Variants in DMD observed in about 807,000 individuals in gnomAD.
The protein encoded by DMD is dystrophin.
DMD carries 63 observed loss-of-function variants against 330.1 expected under a neutral mutation model. The ratio of observed to expected loss-of-function variants is 0.19; its 90% CI spans 0.16 to 0.24. DMD has a LOEUF of 0.24. Ranked by LOEUF, DMD falls within the 10% of genes least tolerant of loss-of-function variation. DMD has a pLI of 1.00. For synonymous variants in DMD, 1,223 were observed against 959.8 expected (o/e 1.27, Z -5.07); for missense variants, 3,344 against 2,684.1 (o/e 1.25, Z -5.43).
intron 2 of DMD, among the ~76,000 whole-genome samples, chrX:32,957,009 GA>G (rs1168540785): frequency 1.8e-5 from 2 of 111,498 alleles, no homozygotes. Context: ...CTGAATATTT[GA>G]AAACAGCTAA....
intron 7 of DMD, among the ~76,000 whole-genome samples, chrX:32,792,274 A>G (rs2075873354): frequency 1.8e-5 from 2 of 111,522 alleles, no homozygotes; most frequent in African/African-American, 3.3e-5. Flanking sequence ...AATGACAACT[A>G]CCATCATGAA....
chrX:31,511,399 G>C (rs1366931608), intron 55 of DMD, among the ~76,000 whole-genome samples: 2 of 104,206 alleles, frequency 1.9e-5, no homozygotes, highest in African/African-American at 7.0e-5. Flanking sequence ...AGTTACATAT[G>C]TATACATGTG....
chrX:32,263,885 T>G lies in DMD; in HGVS notation c.6290+23644A>C, dbSNP rs188403955. Among the ~76,000 whole-genome samples, 27 of 111,995 alleles carry G rather than the reference T, an allele frequency of 2.4e-4. No homozygotes were observed. The Admixed American group carries it at 2.6e-3, about 11-fold the overall frequency. ...TGATTTTAAAAAATATTTTATATAT[T>G]TGACACCCAAAGGAAAAAATGTAAA... On this transcript the variant is annotated intron_variant, in intron 43 of 78. Transcript: ENST00000357033.
chrX:31,953,230 T>C (rs1337008479), intron 45 of DMD, among the ~76,000 whole-genome samples: 2 of 112,577 alleles, frequency 1.8e-5, no homozygotes, highest in Admixed American at 9.4e-5. Context: ...CAGTTACTTG[T>C]TCCAATCAAG....
intron 42 of DMD, among the ~76,000 whole-genome samples, chrX:32,309,352 T>C (rs150112118): frequency 0.034 from 3,756 of 111,342 alleles, 158 homozygotes; most frequent in African/African-American, 0.12. Context: ...GCTCTGGGTA[T>C]ACTATAATAT....
intron 43 of DMD, among the ~76,000 whole-genome samples, chrX:32,257,456 T>A (rs1198564759): frequency 9.0e-6 from 1 of 111,625 alleles, no homozygotes; most frequent in Non-Finnish European, 1.9e-5. Flanking sequence ...CTGGTACTGG[T>A]AGCAAAACAG....
At chrX:33,245,026 C>T (rs975227603) in intron 1 of DMD, among the ~76,000 whole-genome samples, 3 of 111,554 alleles carry the variant, frequency 2.7e-5, no homozygotes, top group African/African-American at 9.7e-5. Flanking sequence ...TAAAAAAGCA[C>T]ATCATTTGTA....
In DMD at chrX:32,597,579, A is replaced by T. The variant is rs182852109; in HGVS notation, c.1483-1703T>A. On this transcript the variant is annotated intron_variant, in intron 12 of 78. Transcript: ENST00000357033. ...CAACTGAACCCTAGGATAAAACCAG[A>T]ATAATTCAAATACTGCCTTTCTAAC... Among the ~76,000 whole-genome samples, 13 of 112,081 alleles carry T rather than the reference A, an allele frequency of 1.2e-4. No homozygotes were observed. In the East Asian group the frequency reaches 3.7e-3, roughly 32 times the overall value.
At chrX:32,615,962 C>A (rs1463305314) in intron 11 of DMD, among the ~76,000 whole-genome samples, 1 of 111,029 alleles carries the variant, frequency 9.0e-6, no homozygotes, top group Non-Finnish European at 1.9e-5. Flanking sequence ...TGTCCTGTTT[C>A]CTTAATCTGC....
At chrX:31,717,012 T>C (rs1487188856) in intron 52 of DMD, among the ~76,000 whole-genome samples, 1 of 111,178 alleles carries the variant, frequency 9.0e-6, no homozygotes, top group Non-Finnish European at 1.9e-5. Context: ...ATCTGTGTGA[T>C]CTTATGCAAA....
intron 5 of DMD, among the ~76,000 whole-genome samples, chrX:32,822,801 C>T (rs2078384748): frequency 1.8e-5 from 2 of 110,774 alleles, no homozygotes; most frequent in Non-Finnish European, 3.8e-5. Context: ...ACCCTATGCT[C>T]AGGTGACTTA....
At chrX:31,830,998 A>T (rs2093016336) in intron 49 of DMD, among the ~76,000 whole-genome samples, 1 of 112,450 alleles carries the variant, frequency 8.9e-6, no homozygotes, top group Non-Finnish European at 1.9e-5. Flanking sequence ...TCTTGAAAGC[A>T]TCTAATCCAG....
chrX:32,468,200 A>C (rs2040250434), intron 23 of DMD, among the ~76,000 whole-genome samples: 1 of 111,009 alleles, frequency 9.0e-6, no homozygotes, highest in African/African-American at 3.3e-5. Flanking sequence ...TTAAAAGACA[A>C]CCAGACTAAA....
intron 50 of DMD, among the ~76,000 whole-genome samples, chrX:31,791,822 T>G (rs1007151996): frequency 1.8e-5 from 2 of 111,977 alleles, no homozygotes; most frequent in African/African-American, 6.5e-5. Context: ...CAAACTCCTA[T>G]GTTGATTTCA....
chrX:32,027,329 C>T (rs1289881747), intron 44 of DMD, among the ~76,000 whole-genome samples: 1 of 110,669 alleles, frequency 9.0e-6, no homozygotes, highest in African/African-American at 3.3e-5. Flanking sequence ...ACTCATTTTT[C>T]TCCCTTAAAC....
At chrX:32,874,700 A>G (rs1464062988) in intron 2 of DMD, among the ~76,000 whole-genome samples, 1 of 111,771 alleles carries the variant, frequency 8.9e-6, no homozygotes, top group Admixed American at 9.5e-5. Context: ...AACGAATATG[A>G]TGTTATAGGT....
At chrX:31,623,815 G>T in intron 55 of DMD, among the ~76,000 whole-genome samples, 1 of 110,916 alleles carries the variant, frequency 9.0e-6, no homozygotes, top group Admixed American at 9.6e-5. Context: ...AGTTTGTCTT[G>T]CTGAGAAAAA....
chrX:32,716,993 G>A (rs1012697653), intron 7 of DMD, among the ~76,000 whole-genome samples: 1 of 111,179 alleles, frequency 9.0e-6, no homozygotes, highest in Non-Finnish European at 1.9e-5. Context: ...TATGAGCAAA[G>A]AGATTATCTG....
chrX:32,500,833 A>C (rs2043980597), intron 19 of DMD, among the ~76,000 whole-genome samples: 1 of 111,844 alleles, frequency 8.9e-6, no homozygotes, highest in Admixed American at 9.5e-5. Context: ...AAGACCACTG[A>C]ACTTTTGAAT....
Sources: allele counts gnomAD v4.1 joint callset (sites outside exome capture counted in the v4.1 genomes callset), GRCh38; gene constraint gnomAD v4.1.1; transcripts MANE v1.5; gene names NCBI Gene and HGNC (gene_info 2026-07-23, HGNC 2026-07-21).